HERC4: variants seen among roughly 807,000 people sequenced by gnomAD.
HERC4 encodes HECT and RLD domain containing E3 ubiquitin protein ligase 4, also known as probable E3 ubiquitin-protein ligase HERC4.
In HERC4, 28 loss-of-function variants were observed where a neutral mutation model predicts 124.3. That is an observed-to-expected ratio of 0.23 (90% CI 0.17 to 0.31). The LOEUF is 0.31. HERC4 is among the 10% of genes least tolerant of loss of function. HERC4 has a pLI of 1.00. For missense variants in HERC4, 713 were observed against 1,229.3 expected (o/e 0.58, Z 6.28); for synonymous variants, 407 against 421.5 (o/e 0.97, Z 0.42).
At chr10:67,955,237 T>A in intron 17 of HERC4, 107 bp from the exon 18 acceptor site, 1 of 925,938 alleles carries the variant, frequency 1.1e-6, no homozygotes, top group Non-Finnish European at 1.6e-6. Context: ...ATAATTCCTA[T>A]GCTACTGAAT....
At chr10:68,065,672 CA>C (rs1309251537) in intron 3 of HERC4, among the ~76,000 whole-genome samples, 18 of 152,136 alleles carry the variant, frequency 1.2e-4, no homozygotes, top group African/African-American at 4.1e-4. Flanking sequence ...CCAGCTTGGG[CA>C]AAAGAGTGGA....
intron 24 of HERC4, among the ~76,000 whole-genome samples, chr10:67,923,424 C>T (rs1317622282): frequency 6.6e-6 from 1 of 151,960 alleles, no homozygotes; most frequent in African/African-American, 2.4e-5. Context: ...TTTGAGAGCC[C>T]TTTTTTGGAA....
At chr10:68,057,658 CT>C (rs2133684881) in intron 3 of HERC4, among the ~76,000 whole-genome samples, 1 of 151,038 alleles carries the variant, frequency 6.6e-6, no homozygotes, top group South Asian at 2.1e-4. Flanking sequence ...AGTATATTTA[CT>C]CAAGTGCCTA....
At chr10:67,969,257 T>C (rs669794) in intron 15 of HERC4, among the ~76,000 whole-genome samples, 2 of 152,106 alleles carry the variant, frequency 1.3e-5, no homozygotes, top group South Asian at 4.2e-4. Context: ...GGTACCAGAA[T>C]TGGCTCATTT....
chr10:67,996,879 T>C (rs1230510270), intron 9 of HERC4, among the ~76,000 whole-genome samples: 1 of 151,790 alleles, frequency 6.6e-6, no homozygotes, highest in South Asian at 2.1e-4. Flanking sequence ...TCCCGGCTAC[T>C]TGGGAGGCTG....
In HERC4 at chr10:67,942,969, A is replaced by AAGAT. The variant is rs200453899; in HGVS notation, c.2338-1865_2338-1864insATCT. On this transcript the variant is annotated intron_variant, in intron 19 of 24. Coordinates refer to ENST00000373700, the MANE Select transcript of HERC4 (RefSeq NM_015601.4). The stretch of plus-strand genomic sequence containing the variant: ...CATTTCTGACTATTTGTGATACTGA[A>AAGAT]AATCAGAGATACATATGTGCTCATG... 5.3e-3 allele frequency among the ~76,000 whole-genome samples: 814 copies of AAGAT among 152,310 alleles called. 4 individuals are homozygous for AAGAT. The highest frequency in any genetic ancestry group is 5.2e-3 in the Non-Finnish European group (353 of 68,022).
In HERC4 at chr10:68,061,722, T is replaced by C. The variant is rs561958023; in HGVS notation, c.226+11161A>G. Among the ~76,000 whole-genome samples the C allele has an allele frequency of 2.9e-4, 44 of 149,632 alleles. 2 individuals carry two copies. In the South Asian group the frequency reaches 9.1e-3, roughly 31 times the overall value. On this transcript the variant is annotated intron_variant, in intron 3 of 24. Transcript: ENST00000373700. ...GGTGAAACCACGTCTCTACTAAAAA[T>C]ACAAAAAAATTAGCCGGGCATGGTG...
intron 7 of HERC4, among the ~76,000 whole-genome samples, chr10:68,031,932 A>G (rs2039228319): frequency 6.6e-6 from 1 of 152,092 alleles, no homozygotes; most frequent in Admixed American, 6.6e-5. Flanking sequence ...TCGTATTTTT[A>G]GAAGAGACAG....
chr10:68,064,970 CAAAA>C lies in HERC4; in HGVS notation c.226+7909_226+7912del, dbSNP rs773557069. On this transcript the variant is annotated intron_variant, in intron 3 of 24. Transcript: ENST00000373700. Reference sequence around the variant, plus strand: ...TGGGTGACAGAGCAAGGCTCCATCTCAAAAAAAAAAAAAAATCCAAAAAATAGAA... The same window carrying C: ...TGGGTGACAGAGCAAGGCTCCATCTCAAAAAAAAAAATCCAAAAAATAGAA... 9.3e-5 allele frequency among the ~76,000 whole-genome samples: 9 copies of C among 96,280 alleles called. No individual in the cohort carries two copies. In the East Asian group the frequency reaches 1.2e-3, roughly 12 times the overall value. The allele number at this position is 96,280 out of a possible 152,430, so 63.2% of individuals were successfully genotyped here.
At chr10:68,009,040 T>C (rs2037765529) in intron 9 of HERC4, among the ~76,000 whole-genome samples, 2 of 152,020 alleles carry the variant, frequency 1.3e-5, no homozygotes, top group Non-Finnish European at 2.9e-5. Flanking sequence ...GGCCAACATG[T>C]TGAAACCCTG....
chr10:68,038,234 T>C lies in HERC4; in HGVS notation c.387-65A>G, dbSNP rs1030502464. On this transcript the variant is annotated intron_variant, in intron 4 of 24. Transcript: ENST00000373700. ...TTTAACAAATTGATCTTGAATGCTATTTATGTTATTTATTGATGGCCTACT... is the reference window on the plus strand; with the variant it reads ...TTTAACAAATTGATCTTGAATGCTACTTATGTTATTTATTGATGGCCTACT... 8.2e-6 allele frequency: 6 copies of C among 735,764 alleles called. No individual in the cohort carries two copies. The African/African-American group carries it at 1.1e-4, about 14-fold the overall frequency. The allele number at this position is 735,764 out of a possible 1,614,324, so 45.6% of individuals were successfully genotyped here. A position where few individuals can be genotyped will look rare whatever the true frequency, so the allele number is the denominator to read the frequency against.
At chr10:67,973,973 G>C (rs1461187880) in intron 15 of HERC4, among the ~76,000 whole-genome samples, 1 of 150,942 alleles carries the variant, frequency 6.6e-6, no homozygotes, top group Non-Finnish European at 1.5e-5. Context: ...CTTGAACCCG[G>C]GAGGCAGAGG....
chr10:68,073,879 A>C (rs563524313), intron 1 of HERC4, 193 bp from the exon 2 acceptor site: 1 of 151,886 alleles, frequency 6.6e-6, no homozygotes, highest in Non-Finnish European at 1.5e-5. Context: ...TTAAAACTAA[A>C]TCAATGTGCA....
chr10:68,014,576 T>C (rs762850556), intron 8 of HERC4, among the ~76,000 whole-genome samples: 1 of 152,156 alleles, frequency 6.6e-6, no homozygotes, highest in Non-Finnish European at 1.5e-5. Flanking sequence ...TCCACTTGGG[T>C]ATCACCGAGA....
chr10:67,951,697 C>T (rs1179791566), intron 19 of HERC4, among the ~76,000 whole-genome samples: 1 of 152,176 alleles, frequency 6.6e-6, no homozygotes, highest in African/African-American at 2.4e-5. Context: ...TCTCCTTGCT[C>T]TTGCTCTTCT....
chr10:67,940,763 A>C (rs2032815559), intron 20 of HERC4, among the ~76,000 whole-genome samples, 176 bp downstream of exon 20: 1 of 152,228 alleles, frequency 6.6e-6, no homozygotes, highest in Non-Finnish European at 1.5e-5. Flanking sequence ...CTTTCAATAG[A>C]AAATTTTGAT....
intron 15 of HERC4, among the ~76,000 whole-genome samples, chr10:67,973,330 G>A (rs117804058): frequency 1.3e-5 from 2 of 152,272 alleles, no homozygotes; most frequent in Non-Finnish European, 2.9e-5. Flanking sequence ...GAGCAAAACT[G>A]GATTCAACAT....
chr10:68,033,937 A>G (rs1021477663), intron 6 of HERC4, 28 bp downstream of exon 6: 2 of 1,577,978 alleles, frequency 1.3e-6, no homozygotes, highest in African/African-American at 2.7e-5. Context: ...CAAAAAGTAC[A>G]CTTAAACTAT....
intron 3 of HERC4, among the ~76,000 whole-genome samples, chr10:68,045,623 ATT>A (rs1422471104): frequency 6.6e-6 from 1 of 152,218 alleles, no homozygotes; most frequent in Admixed American, 6.5e-5. Flanking sequence ...AGGAAAGTGA[ATT>A]TGTTTCTCTT....
Sources: allele counts gnomAD v4.1 joint callset (sites outside exome capture counted in the v4.1 genomes callset), GRCh38; gene constraint gnomAD v4.1.1; transcripts MANE v1.5; gene names NCBI Gene and HGNC (gene_info 2026-07-23, HGNC 2026-07-21).